Variants in MAD1L1 observed in about 807,000 individuals in gnomAD.
MAD1L1 encodes the protein mitotic spindle assembly checkpoint protein MAD1.
In MAD1L1, 95 loss-of-function variants were observed where a neutral mutation model predicts 96.9. The ratio of observed to expected loss-of-function variants is 0.98; its 90% CI spans 0.83 to 1.16. The LOEUF is 1.16. MAD1L1 is among the 50% of genes most tolerant of loss of function. MAD1L1 has a pLI of 0.00. For missense variants in MAD1L1, 1,007 were observed against 954.4 expected (o/e 1.06, Z -0.73); for synonymous variants, 473 against 396.6 (o/e 1.19, Z -2.29).
At chr7:1,820,043 G>C (rs1174738450) in intron 18 of MAD1L1, among the ~76,000 whole-genome samples, 1 of 152,154 alleles carries the variant, frequency 6.6e-6, no homozygotes, top group Admixed American at 6.5e-5. Flanking sequence ...ATACTGGGAA[G>C]TTATGTGAAT....
In MAD1L1 at chr7:1,816,242, A is replaced by G; in HGVS notation, c.1999-14T>C. Reference sequence around the variant, plus strand: ...GGGGCTGGTGGCCTGCGGGGCAGTCAAGAAAGAGACAAGACAGCGGTCAGC... The same window carrying G: ...GGGGCTGGTGGCCTGCGGGGCAGTCGAGAAAGAGACAAGACAGCGGTCAGC... On this transcript the variant is annotated splice_polypyrimidine_tract_variant and intron_variant, in intron 18 of 18. Coordinates refer to ENST00000265854, the MANE Select transcript of MAD1L1 (RefSeq NM_001013836.2). The G allele has an allele frequency of 6.2e-7, 1 of 1,601,648 alleles. No individual in the cohort carries two copies. Among genetic ancestry groups the G allele is most frequent in the Non-Finnish European group, 8.5e-7 (1 of 1,177,078 alleles).
intron 11 of MAD1L1, among the ~76,000 whole-genome samples, chr7:2,105,871 C>T (rs1346280283): frequency 6.6e-6 from 1 of 152,064 alleles, no homozygotes; most frequent in Non-Finnish European, 1.5e-5. Flanking sequence ...CAGGAAAGGC[C>T]CCCATCGTCA....
intron 16 of MAD1L1, among the ~76,000 whole-genome samples, chr7:1,950,698 T>A (rs1434299029): frequency 6.6e-6 from 1 of 152,176 alleles, no homozygotes; most frequent in Non-Finnish European, 1.5e-5. Context: ...CTCTGCTGCC[T>A]CTGTGAGCAG....
chr7:2,102,704 G>A lies in MAD1L1; in HGVS notation c.1074-33366C>T, dbSNP rs139625010. 2.2e-3 allele frequency among the ~76,000 whole-genome samples: 305 copies of A among 141,068 alleles called. 1 individual carries two copies. Among genetic ancestry groups the A allele is most frequent in the African/African-American group, 7.8e-3 (289 of 37,134 alleles). The allele number at this position is 141,068 out of a possible 152,430, so 92.5% of individuals were successfully genotyped here. A position where few individuals can be genotyped will look rare whatever the true frequency, so the allele number is the denominator to read the frequency against. ...GACCACTCTCCACACCATCACCACC[G>A]TCACCAGCACTCTCACCACGTCCCC... On this transcript the variant is annotated intron_variant, in intron 11 of 18. Transcript: ENST00000265854.
At chr7:2,156,085 C>G (rs909614174) in intron 10 of MAD1L1, among the ~76,000 whole-genome samples, 2 of 152,192 alleles carry the variant, frequency 1.3e-5, no homozygotes, top group African/African-American at 4.8e-5. Context: ...CTAACCAGGA[C>G]AGTGGGCGCA....
At chr7:1,980,790 T>A in intron 14 of MAD1L1, 1 of 605,196 alleles carries the variant, frequency 1.7e-6, no homozygotes, top group Middle Eastern at 2.6e-4. Context: ...AGGCTCACGG[T>A]GAGGTGTGTG....
At chr7:2,219,309 C>A in intron 6 of MAD1L1, 23 bp downstream of exon 6, 1 of 1,544,868 alleles carries the variant, frequency 6.5e-7, no homozygotes, top group South Asian at 1.2e-5. Context: ...CGACCCCCGA[C>A]CCCACACCCT....
intron 12 of MAD1L1, among the ~76,000 whole-genome samples, chr7:2,025,530 CTGT>C (rs1206161385): frequency 2.3e-4 from 35 of 152,156 alleles, no homozygotes; most frequent in Non-Finnish European, 4.3e-4. Context: ...AGCATTAAAT[CTGT>C]ATCAAAGGAA....
chr7:2,063,317 G>A (rs1057076910), intron 12 of MAD1L1, among the ~76,000 whole-genome samples: 3 of 152,346 alleles, frequency 2.0e-5, no homozygotes, highest in Admixed American at 6.5e-5. Flanking sequence ...CTGGCTCCGC[G>A]TCCTCACTCC....
rs1584355477 is a variant in MAD1L1 at position 2,114,516 on chromosome 7, A to G, written c.1073+34636T>C. On this transcript the variant is annotated intron_variant, in intron 11 of 18. Transcript: ENST00000265854. This position sits in a 1 kb window ranked among gnomAD's most constrained non-coding sequence, Gnocchi z 4.2. ...GCTGCCGGGATCAATCTTGCGGGTC[A>G]CCTCCCTGCAGCAAGGCCCAAGCCG... Among the ~76,000 whole-genome samples the G allele has an allele frequency of 1.3e-5, 2 of 152,184 alleles. No individual in the cohort carries two copies. The highest frequency in any genetic ancestry group is 2.9e-5 in the Non-Finnish European group (2 of 68,026).
chr7:2,216,027 A>G, intron 8 of MAD1L1, 28 bp from the exon 9 acceptor site: 2 of 1,612,898 alleles, frequency 1.2e-6, no homozygotes, highest in Non-Finnish European at 1.7e-6. Context: ...AGTCGCTCAA[A>G]TAGCCACACA....
intron 10 of MAD1L1, 37 bp from the exon 11 acceptor site, chr7:2,149,275 C>T: frequency 6.5e-7 from 1 of 1,536,302 alleles, no homozygotes; most frequent in Non-Finnish European, 9.0e-7. Context: ...TTCCAGCTGT[C>T]CCCGAGAAGT....
At chr7:1,893,770 G>A (rs1315458628) in intron 18 of MAD1L1, among the ~76,000 whole-genome samples, 2 of 152,226 alleles carry the variant, frequency 1.3e-5, no homozygotes, top group East Asian at 1.9e-4. Context: ...TCACAGGAGT[G>A]CAGTGGCCTG....
chr7:1,841,074 C>T (rs1009196923), intron 18 of MAD1L1, among the ~76,000 whole-genome samples: 4 of 152,166 alleles, frequency 2.6e-5, no homozygotes, highest in African/African-American at 4.8e-5. Flanking sequence ...GCTCCCGGGC[C>T]GGCTCTACTC....
chr7:2,066,636 C>G (rs1488207086), intron 12 of MAD1L1, among the ~76,000 whole-genome samples: 3 of 152,204 alleles, frequency 2.0e-5, no homozygotes, highest in Non-Finnish European at 4.4e-5. Context: ...GGGTGGCCAT[C>G]AAAGAGCAAC....
chr7:2,162,681 A>C (rs1790217430), intron 10 of MAD1L1, among the ~76,000 whole-genome samples: 1 of 150,878 alleles, frequency 6.6e-6, no homozygotes, highest in Middle Eastern at 3.2e-3. Context: ...AAGAATAAAA[A>C]TAAAGTTATC....
At chr7:2,211,759 C>G (rs1792959853) in intron 10 of MAD1L1, among the ~76,000 whole-genome samples, 1 of 152,204 alleles carries the variant, frequency 6.6e-6, no homozygotes, top group African/African-American at 2.4e-5. Context: ...TGAAGAGGCA[C>G]TTTCAGGTGA....
intron 4 of MAD1L1, among the ~76,000 whole-genome samples, chr7:2,224,292 G>T (rs1793766225): frequency 6.6e-6 from 1 of 152,108 alleles, no homozygotes; most frequent in South Asian, 2.1e-4. Context: ...GGGAATCTCA[G>T]TAGTTAGGGA....
chr7:1,827,283 A>G (rs773160991), intron 18 of MAD1L1, among the ~76,000 whole-genome samples: 7 of 152,242 alleles, frequency 4.6e-5, no homozygotes, highest in African/African-American at 9.6e-5. Flanking sequence ...AACACAATGA[A>G]GGTTAAGGGA....
Sources: allele counts gnomAD v4.1 joint callset (sites outside exome capture counted in the v4.1 genomes callset), GRCh38; gene constraint gnomAD v4.1.1; non-coding constraint Gnocchi (gnomAD v3.1); transcripts MANE v1.5; gene names NCBI Gene and HGNC (gene_info 2026-07-23, HGNC 2026-07-21).